The following ADGRL2 variants were observed in gnomAD, a reference collection of about 807,000 sequenced individuals.
ADGRL2 encodes calcium-independent alpha-latrotoxin receptor 2.
In ADGRL2, 44 loss-of-function variants were observed where a neutral mutation model predicts 157.4. The observed-to-expected ratio is 0.28, with a 90% CI of 0.22 to 0.36. The LOEUF (loss-of-function observed/expected upper bound fraction) is 0.36. Among genes scored for constraint, ADGRL2 ranks in the 10% least tolerant of loss-of-function variants. ADGRL2 has a pLI of 1.00. For missense variants in ADGRL2, 1,510 were observed against 1,768.9 expected (o/e 0.85, Z 2.63); for synonymous variants, 585 against 624.7 (o/e 0.94, Z 0.95).
At chr1:81,689,345 C>T (rs74958568) in intron 3 of ADGRL2, among the ~76,000 whole-genome samples, 154 of 152,210 alleles carry the variant, frequency 1.0e-3, no homozygotes, top group African/African-American at 3.5e-3. Context: ...CTTTATTCGA[C>T]ATAGATCTGT....
chr1:81,743,018 G>T (rs1189003167), intron 1 of ADGRL2, among the ~76,000 whole-genome samples: 3 of 151,622 alleles, frequency 2.0e-5, no homozygotes, highest in Non-Finnish European at 3.0e-5. Flanking sequence ...AGGGCTTAGA[G>T]AATTTTTTTT....
At chr1:81,813,107 T>G (rs1373719861) in intron 1 of ADGRL2, among the ~76,000 whole-genome samples, 1 of 151,746 alleles carries the variant, frequency 6.6e-6, no homozygotes, top group East Asian at 1.9e-4. Context: ...ATACACTTAT[T>G]TGTGCCAGGA....
chr1:81,466,851 A>G (rs1456265714), intron 2 of ADGRL2, among the ~76,000 whole-genome samples: 1 of 152,184 alleles, frequency 6.6e-6, no homozygotes, highest in Admixed American at 6.5e-5. Context: ...TTAAAAGGAA[A>G]ATACACATAA....
chr1:81,596,271 T>C, intron 3 of ADGRL2: 1 of 571,874 alleles, frequency 1.7e-6, no homozygotes, highest in South Asian at 1.4e-5. Context: ...CATCCCGAAA[T>C]GATCCCATGT....
At chr1:81,888,213 C>A (rs916122058) in intron 2 of ADGRL2, among the ~76,000 whole-genome samples, 1 of 152,130 alleles carries the variant, frequency 6.6e-6, no homozygotes, top group Admixed American at 6.5e-5. Context: ...AGAAACTCCT[C>A]TTTTGATAAA....
intron 3 of ADGRL2, among the ~76,000 whole-genome samples, chr1:81,639,040 T>C (rs2082166788): frequency 6.6e-6 from 1 of 152,174 alleles, no homozygotes; most frequent in South Asian, 2.1e-4. Flanking sequence ...GACCCAATTC[T>C]ATGTCTCTGT....
At position 81,349,208 on chromosome 1, in the gene ADGRL2, C is replaced by T. The variant is rs189371620; in HGVS notation, c.-302+42699C>T. ...TTAAACCGTGTTGGGGATATTGGCACCAGGGCAGTCTGCATTCCTCACTCT... is the reference window on the plus strand; with the variant it reads ...TTAAACCGTGTTGGGGATATTGGCATCAGGGCAGTCTGCATTCCTCACTCT... On this transcript the variant is annotated intron_variant, in intron 1 of 24. Transcript: ENST00000370721. Among the ~76,000 whole-genome samples the T allele has an allele frequency of 1.8e-4, 27 of 152,216 alleles. No homozygotes were observed. In the East Asian group the frequency reaches 5.2e-3, roughly 30 times the overall value.
At chr1:81,926,803 C>T (rs918168366) in intron 3 of ADGRL2, among the ~76,000 whole-genome samples, 18 of 151,898 alleles carry the variant, frequency 1.2e-4, no homozygotes, top group Non-Finnish European at 2.4e-4. Flanking sequence ...TAAAAGCAAG[C>T]ACATTTATGT....
intron 3 of ADGRL2, among the ~76,000 whole-genome samples, chr1:81,671,241 C>G (rs926848480): frequency 2.0e-5 from 3 of 152,168 alleles, no homozygotes; most frequent in African/African-American, 7.2e-5. Flanking sequence ...CCCACGCTGG[C>G]CCTAGAAGTG....
intron 1 of ADGRL2, chr1:81,722,353 G>A: frequency 2.8e-6 from 2 of 724,040 alleles, no homozygotes; most frequent in South Asian, 2.8e-5. Context: ...ATAAGAAAGT[G>A]GTTGCTATTG....
intron 1 of ADGRL2, among the ~76,000 whole-genome samples, chr1:81,824,016 C>T (rs1262337106): frequency 6.6e-6 from 1 of 151,922 alleles, no homozygotes; most frequent in Admixed American, 6.6e-5. Flanking sequence ...GGATATTATA[C>T]TAGTCATCAG....
At chr1:81,826,687 G>T (rs546994523) in intron 1 of ADGRL2, among the ~76,000 whole-genome samples, 1 of 152,094 alleles carries the variant, frequency 6.6e-6, no homozygotes, top group African/African-American at 2.4e-5. Context: ...GAAGGGTGAA[G>T]GCACCATTTA....
At chr1:81,642,947 C>A (rs549487853) in intron 3 of ADGRL2, among the ~76,000 whole-genome samples, 1 of 151,944 alleles carries the variant, frequency 6.6e-6, no homozygotes, top group Admixed American at 6.6e-5. Flanking sequence ...ATGAAAAATA[C>A]GAAAAAGAAA....
intron 1 of ADGRL2, among the ~76,000 whole-genome samples, chr1:81,388,647 A>G (rs1427684365): frequency 6.6e-6 from 1 of 152,142 alleles, no homozygotes; most frequent in African/African-American, 2.4e-5. Flanking sequence ...CCCTTTCAAC[A>G]TGAGAGGGCA....
At position 81,495,371 on chromosome 1, in the gene ADGRL2, TTAA is replaced by T. The variant is rs144859106; in HGVS notation, c.-248+50287_-248+50289del. 4.4e-3 allele frequency among the ~76,000 whole-genome samples: 675 copies of T among 152,296 alleles called. 5 individuals carry two copies. Among genetic ancestry groups the T allele is most frequent in the African/African-American group, 0.014 (594 of 41,574 alleles). On this transcript the variant is annotated intron_variant, in intron 2 of 24. Coordinates refer to the ADGRL2 transcript ENST00000370721. The stretch of plus-strand genomic sequence containing the variant: ...GGGCAAATGCTAAAGGTTGTTTAAG[TTAA>T]TAATGATGATTATTACAAGTAAAAT...
chr1:81,684,624 G>A (rs2083192480), intron 3 of ADGRL2, among the ~76,000 whole-genome samples: 1 of 152,168 alleles, frequency 6.6e-6, no homozygotes, highest in African/African-American at 2.4e-5. Context: ...CCATGCAAAA[G>A]CTCTTTCGTT....
chr1:81,767,868 AG>A (rs1431775033), intron 2 of ADGRL2, among the ~76,000 whole-genome samples: 8 of 111,782 alleles, frequency 7.2e-5, no homozygotes, highest in Non-Finnish European at 7.0e-5. Context: ...AAAAAAAAAA[AG>A]AAAAAAAAAA....
intron 3 of ADGRL2, among the ~76,000 whole-genome samples, chr1:81,624,319 G>A (rs113762387): frequency 9.9e-5 from 15 of 152,100 alleles, no homozygotes; most frequent in African/African-American, 2.9e-4. Flanking sequence ...GGTGGCTCAC[G>A]CCTGTAATCC....
intron 3 of ADGRL2, among the ~76,000 whole-genome samples, chr1:81,622,458 G>A (rs1476668585): frequency 6.6e-6 from 1 of 152,166 alleles, no homozygotes; most frequent in Non-Finnish European, 1.5e-5. Context: ...GCACACGCCT[G>A]TAGTCCCAGC....
Sources: gnomAD v4.1 joint callset for allele counts (sites outside exome capture counted in the v4.1 genomes callset) on GRCh38, gnomAD v4.1.1 for gene constraint, MANE v1.5 for transcripts, NCBI Gene and HGNC (gene_info 2026-07-23, HGNC 2026-07-21) for gene names.